The following CR1L variants were observed in gnomAD, a reference collection of about 807,000 sequenced individuals.
CR1L encodes the protein complement component receptor 1-like protein.
A neutral mutation model predicts 62.3 loss-of-function variants in CR1L; 59 were observed. The ratio of observed to expected loss-of-function variants is 0.95; its 90% CI spans 0.77 to 1.18. The LOEUF (loss-of-function observed/expected upper bound fraction) is 1.18. CR1L is among the 50% of genes most tolerant of loss of function. The probability of loss-of-function intolerance (pLI) is 0.00; values close to 1 mark genes in which losing one functional copy is unlikely to be tolerated. For missense variants in CR1L, 700 were observed against 702.8 expected, an observed-to-expected ratio of 1.00 and a Z score of 0.04; for synonymous variants, 279 against 248.7, an observed-to-expected ratio of 1.12 and a Z score of -1.15.
chr1:207,723,678 A>G lies in CR1L; in HGVS notation c.1703A>G (p.His568Arg), dbSNP rs777906323. 36 of 1,580,310 alleles carry G rather than the reference A, an allele frequency of 2.3e-5. 1 individual carries two copies. The highest frequency in any genetic ancestry group is 6.0e-6 in the Non-Finnish European group (7 of 1,157,456). Residue 568 changes from histidine to arginine, a missense_variant, in exon 12 of 12, where the codon CAT becomes CGT. By Grantham distance (29) the His-to-Arg change is conservative (BLOSUM62 0). Coordinates refer to ENST00000508064, the MANE Select transcript of CR1L (RefSeq NM_175710.2). Reference sequence around the variant, plus strand: ...GAAGTGTTTGCTGAGGAATTCTGTCATCTTTAACAGTAAGTACCTACTTAT... The same window carrying G: ...GAAGTGTTTGCTGAGGAATTCTGTCGTCTTTAACAGTAAGTACCTACTTAT... ...FYEVFAEEFC[H>R]L is the part of the protein sequence containing the mutation.
Position 207,714,477 on chromosome 1 carries a change from G to A in CR1L, c.1415-2987G>A, listed in dbSNP as rs182956079. On this transcript the variant is annotated intron_variant, in intron 10 of 11. Transcript: ENST00000508064. ...TTAAACTGTCTTCAGCTTGAAGGTC[G>A]GGTTTCACCGGGATCCGCCCCATCT... Among the ~76,000 whole-genome samples, 14 of 152,148 alleles carry A rather than the reference G, an allele frequency of 9.2e-5. No homozygotes were observed. In the East Asian group the frequency reaches 2.5e-3, roughly 27 times the overall value.
chr1:207,679,969 G>A (rs1424063963), intron 3 of CR1L, among the ~76,000 whole-genome samples: 3 of 152,158 alleles, frequency 2.0e-5, no homozygotes, highest in African/African-American at 7.2e-5. Context: ...GGGATGAATA[G>A]GCAGAGCACA....
chr1:207,684,100 A>G (rs1396087161), intron 4 of CR1L, 143 bp downstream of exon 4: 3 of 654,476 alleles, frequency 4.6e-6, no homozygotes, highest in Admixed American at 3.2e-5. Context: ...AGATATTCCT[A>G]TGGGGTTCCT....
chr1:207,691,364 T>C (rs145808083), intron 4 of CR1L, among the ~76,000 whole-genome samples: 88 of 152,064 alleles, frequency 5.8e-4, no homozygotes, highest in African/African-American at 1.9e-3. Flanking sequence ...CTTTCAGCCC[T>C]TCTTTGTCTT....
intron 1 of CR1L, among the ~76,000 whole-genome samples, chr1:207,670,408 A>G (rs1258175559): frequency 6.6e-6 from 1 of 151,126 alleles, no homozygotes; most frequent in Non-Finnish European, 1.5e-5. Context: ...TATAACTACT[A>G]TGGAAATTTT....
intron 1 of CR1L, among the ~76,000 whole-genome samples, chr1:207,650,028 A>G (rs190182928): frequency 1.7e-4 from 26 of 152,090 alleles, no homozygotes; most frequent in African/African-American, 5.1e-4. Context: ...GTGTATGTGT[A>G]TGTGTGTGTA....
chr1:207,699,127 T>A, intron 7 of CR1L, 62 bp from the exon 8 acceptor site: 1 of 1,607,244 alleles, frequency 6.2e-7, no homozygotes, highest in Non-Finnish European at 8.5e-7. Context: ...GGGCCTTAGA[T>A]TGTGAACTAA....
At chr1:207,716,129 A>G (rs1279273348) in intron 10 of CR1L, among the ~76,000 whole-genome samples, 1 of 152,242 alleles carries the variant, frequency 6.6e-6, no homozygotes, top group African/African-American at 2.4e-5. Context: ...AATGAAGAGT[A>G]AAAGAATAGT....
chr1:207,690,773 T>C (rs1663983626), intron 4 of CR1L, among the ~76,000 whole-genome samples: 1 of 152,224 alleles, frequency 6.6e-6, no homozygotes, highest in South Asian at 2.1e-4. Flanking sequence ...TTCCTTCCAG[T>C]GGCTGCTGGC....
intron 1 of CR1L, among the ~76,000 whole-genome samples, chr1:207,660,207 C>G (rs1663388293): frequency 6.6e-6 from 1 of 152,256 alleles, no homozygotes. Flanking sequence ...CTATAACGGA[C>G]AGACTGCCTC....
At chr1:207,675,071 T>A (rs1267419005) in intron 1 of CR1L, among the ~76,000 whole-genome samples, 1 of 152,228 alleles carries the variant, frequency 6.6e-6, no homozygotes, top group African/African-American at 2.4e-5. Context: ...CATTGAGTGC[T>A]TATAACTGAG....
chr1:207,716,346 T>C (rs2102482935), intron 10 of CR1L, among the ~76,000 whole-genome samples: 1 of 152,268 alleles, frequency 6.6e-6, no homozygotes, highest in East Asian at 1.9e-4. Flanking sequence ...GTGTCTGAAA[T>C]GATGAGGTGT....
intron 10 of CR1L, chr1:207,710,247 G>C (rs969390152): frequency 1.3e-5 from 8 of 603,124 alleles, no homozygotes; most frequent in Admixed American, 2.8e-5. Context: ...GGGAGGTTGA[G>C]GGGGGAGGAT....
chr1:207,654,081 G>T (rs1226875371), intron 1 of CR1L, among the ~76,000 whole-genome samples: 3 of 152,190 alleles, frequency 2.0e-5, no homozygotes, highest in Non-Finnish European at 4.4e-5. Flanking sequence ...AGACCCTCTA[G>T]AAAGGCATTA....
chr1:207,718,702 C>T (rs958856054), intron 11 of CR1L, among the ~76,000 whole-genome samples: 4 of 152,202 alleles, frequency 2.6e-5, no homozygotes, highest in African/African-American at 9.6e-5. Flanking sequence ...GGATTACAGG[C>T]ATGAGCCTGG....
At chr1:207,699,055 C>A in intron 7 of CR1L, 134 bp from the exon 8 acceptor site, 1 of 1,084,128 alleles carries the variant, frequency 9.2e-7, no homozygotes, top group Non-Finnish European at 1.4e-6. Context: ...TCCAGAATAA[C>A]GTAGCCTGTG....
intron 1 of CR1L, chr1:207,657,299 C>G: frequency 7.8e-7 from 1 of 1,284,556 alleles, no homozygotes; most frequent in Non-Finnish European, 1.1e-6. Context: ...AGTATGGAAT[C>G]ATGCTGCTCC....
intron 10 of CR1L, among the ~76,000 whole-genome samples, 174 bp downstream of exon 10, chr1:207,708,437 G>T (rs1390194533): frequency 6.6e-6 from 1 of 152,184 alleles, no homozygotes; most frequent in African/African-American, 2.4e-5. Context: ...CCTTCACCTA[G>T]AAATGCTTTT....
At chr1:207,647,066 T>C (rs890784411) in intron 1 of CR1L, among the ~76,000 whole-genome samples, 1 of 152,206 alleles carries the variant, frequency 6.6e-6, no homozygotes, top group Non-Finnish European at 1.5e-5. Context: ...CTTTTTTTGC[T>C]CATTGTTAAG....
Sources: allele counts gnomAD v4.1 joint callset (sites outside exome capture counted in the v4.1 genomes callset), GRCh38; gene constraint gnomAD v4.1.1; transcripts MANE v1.5; gene names NCBI Gene and HGNC (gene_info 2026-07-23, HGNC 2026-07-21).